GRM7: variants seen among roughly 807,000 people sequenced by gnomAD.
GRM7 encodes metabotropic glutamate receptor 7.
A neutral mutation model predicts 84.5 loss-of-function variants in GRM7; 35 were observed. The observed-to-expected ratio is 0.41, with a 90% confidence interval of 0.32 to 0.55. GRM7 has a LOEUF of 0.55. Among genes scored for constraint, GRM7 ranks in the 20% least tolerant of loss-of-function variants. GRM7 has a pLI of 0.19. For missense variants in GRM7, 1,003 were observed against 1,194.6 expected, an observed-to-expected ratio of 0.84 and a Z score of 2.36; for synonymous variants, 487 against 455.1, an observed-to-expected ratio of 1.07 and a Z score of -0.89.
intron 1 of GRM7, among the ~76,000 whole-genome samples, chr3:7,020,168 A>C (rs1012785752): frequency 2.0e-5 from 3 of 152,212 alleles, no homozygotes; most frequent in South Asian, 4.1e-4. Flanking sequence ...TTCTCTAAAA[A>C]ATGTGCAAAT....
chr3:7,232,979 C>G (rs957090846), intron 2 of GRM7, among the ~76,000 whole-genome samples: 2 of 152,124 alleles, frequency 1.3e-5, no homozygotes, highest in Non-Finnish European at 2.9e-5. Flanking sequence ...TAATAAAGAG[C>G]TCGTCTGAAC....
At chr3:7,044,066 A>G (rs1203465269) in intron 1 of GRM7, among the ~76,000 whole-genome samples, 1 of 152,254 alleles carries the variant, frequency 6.6e-6, no homozygotes, top group African/African-American at 2.4e-5. Flanking sequence ...TTGGAAAAAT[A>G]TCACATCACC....
intron 9 of GRM7, among the ~76,000 whole-genome samples, chr3:7,732,613 T>C (rs946948292): frequency 7.2e-5 from 11 of 152,190 alleles, no homozygotes; most frequent in African/African-American, 2.7e-4. Flanking sequence ...AATATTTCCC[T>C]GTGGCTTCTC....
At chr3:7,229,760 T>TATATATATATATATATATATATATATA (rs68069165) in intron 2 of GRM7, among the ~76,000 whole-genome samples, 3 of 23,610 alleles carry the variant, frequency 1.3e-4, no homozygotes, top group Admixed American at 1.7e-3. Context: ...TATATATATA[T>TATATATATATATATATATATATATATA]TTTTTTTTTT....
At chr3:7,045,219 A>G (rs1037246839) in intron 1 of GRM7, among the ~76,000 whole-genome samples, 10 of 152,284 alleles carry the variant, frequency 6.6e-5, no homozygotes, top group Admixed American at 3.9e-4. Flanking sequence ...ATTAAAGTGT[A>G]GGTAGTCTAG....
At chr3:7,243,128 C>T (rs1364964211) in intron 2 of GRM7, among the ~76,000 whole-genome samples, 2 of 152,088 alleles carry the variant, frequency 1.3e-5, no homozygotes, top group Admixed American at 6.6e-5. Flanking sequence ...TTAGTGGCTG[C>T]AGCTGAACAG....
intron 7 of GRM7, among the ~76,000 whole-genome samples, chr3:7,467,058 C>G (rs909631494): frequency 3.3e-5 from 5 of 151,964 alleles, no homozygotes; most frequent in African/African-American, 1.2e-4. Flanking sequence ...GCCATTAGTC[C>G]CTCTTCCTCC....
chr3:6,939,039 A>C (rs559859529), intron 1 of GRM7, among the ~76,000 whole-genome samples: 3 of 152,246 alleles, frequency 2.0e-5, no homozygotes, highest in Non-Finnish European at 4.4e-5. Context: ...CAACTGCTAG[A>C]GTTTTATATG....
intron 1 of GRM7, among the ~76,000 whole-genome samples, chr3:6,995,883 A>C (rs1446136350): frequency 6.6e-6 from 1 of 152,208 alleles, no homozygotes; most frequent in African/African-American, 2.4e-5. Context: ...AATTGAGTTC[A>C]AATTTTAATT....
chr3:6,891,162 C>G (rs1472442513), intron 1 of GRM7, among the ~76,000 whole-genome samples: 3 of 152,152 alleles, frequency 2.0e-5, no homozygotes, highest in African/African-American at 4.8e-5. Flanking sequence ...ATACAGCACA[C>G]TGATGGGTCT....
chr3:6,940,741 T>C (rs765999147), intron 1 of GRM7, among the ~76,000 whole-genome samples: 4 of 152,202 alleles, frequency 2.6e-5, no homozygotes, highest in Non-Finnish European at 5.9e-5. Context: ...AAGGCTATAT[T>C]TGAACCCCCA....
At chr3:6,998,835 C>T (rs1439914891) in intron 1 of GRM7, among the ~76,000 whole-genome samples, 2 of 152,204 alleles carry the variant, frequency 1.3e-5, no homozygotes, top group African/African-American at 4.8e-5. Context: ...TGACCCTAGG[C>T]TGCACAAAGC....
At chr3:7,484,998 A>G (rs1006145053) in intron 7 of GRM7, among the ~76,000 whole-genome samples, 2 of 152,182 alleles carry the variant, frequency 1.3e-5, no homozygotes, top group Admixed American at 6.5e-5. Context: ...AGAGATCTGC[A>G]TGGCAAGGAA....
intron 4 of GRM7, among the ~76,000 whole-genome samples, chr3:7,388,626 G>C (rs1039062600): frequency 3.3e-5 from 5 of 151,920 alleles, no homozygotes; most frequent in African/African-American, 1.2e-4. Context: ...ATTACTCGTT[G>C]ATCTGTTCGG....
rs750253376 is a variant in GRM7, at chr3:7,497,479, A to T, written c.1515+35757A>T. On this transcript the variant is annotated intron_variant, in intron 7 of 9. Transcript: ENST00000357716. ...TAGATTTACTACAGTCTCTACCAACATGGGAGGTTTCAGTGCGTGGCTCGA... is the reference window on the plus strand; with the variant it reads ...TAGATTTACTACAGTCTCTACCAACTTGGGAGGTTTCAGTGCGTGGCTCGA... Among the ~76,000 whole-genome samples, 7 of 152,094 alleles carry T rather than the reference A, an allele frequency of 4.6e-5. No homozygotes were observed. The East Asian group carries it at 9.6e-4, about 21-fold the overall frequency.
chr3:7,205,870 G>A (rs1157781323), intron 2 of GRM7, among the ~76,000 whole-genome samples: 1 of 152,218 alleles, frequency 6.6e-6, no homozygotes, highest in Non-Finnish European at 1.5e-5. Context: ...TAAGTGTTAA[G>A]TTTATTTAAA....
Position 7,357,383 on chromosome 3 carries a change from C to T in GRM7, c.1033+50731C>T, listed in dbSNP as rs531944654. ...GAACCTCTTAATTACAATCACTTTT[C>T]CAAGAATGTACTGCCTACCCAGCAA... On this transcript the variant is annotated intron_variant, in intron 4 of 9. Transcript: ENST00000357716. 7.2e-4 allele frequency among the ~76,000 whole-genome samples: 110 copies of T among 152,124 alleles called. 1 individual carries two copies. The highest frequency in any genetic ancestry group is 2.3e-3 in the African/African-American group (97 of 41,516).
chr3:7,454,913 A>G (rs1186653077), intron 6 of GRM7, among the ~76,000 whole-genome samples: 1 of 151,910 alleles, frequency 6.6e-6, no homozygotes, highest in Non-Finnish European at 1.5e-5. Flanking sequence ...TGTAGCACAC[A>G]TATCTTATTT....
At chr3:7,501,146 A>T (rs915529706) in intron 7 of GRM7, among the ~76,000 whole-genome samples, 8 of 152,346 alleles carry the variant, frequency 5.3e-5, no homozygotes, top group Admixed American at 2.0e-4. Context: ...ATACTGTCTA[A>T]GCATGTTCCA....
Sources: allele counts gnomAD v4.1 joint callset (sites outside exome capture counted in the v4.1 genomes callset), GRCh38; gene constraint gnomAD v4.1.1; transcripts MANE v1.5; gene names NCBI Gene and HGNC (gene_info 2026-07-23, HGNC 2026-07-21).